Variants in NALF1 observed in about 807,000 individuals in gnomAD.
The protein encoded by NALF1 is family with sequence similarity 155 member A.
A neutral mutation model predicts 48.4 loss-of-function variants in NALF1; 3 were observed. That is an observed-to-expected ratio of 0.06 (90% CI 0.03 to 0.16). The LOEUF is 0.16. Ranked by LOEUF, NALF1 falls within the 10% of genes least tolerant of loss-of-function variation. The pLI, the probability that NALF1 is intolerant of heterozygous loss-of-function variation, is 1.00. For missense variants in NALF1, 526 were observed against 571.5 expected, an observed-to-expected ratio of 0.92 and a Z score of 0.81; for synonymous variants, 262 against 245.7, an observed-to-expected ratio of 1.07 and a Z score of -0.62.
intron 1 of NALF1, among the ~76,000 whole-genome samples, chr13:107,493,766 G>A (rs1241810243): frequency 1.3e-5 from 2 of 152,074 alleles, no homozygotes; most frequent in Non-Finnish European, 2.9e-5. Flanking sequence ...GTGCATACCT[G>A]CAGTTCCAGC....
intron 1 of NALF1, among the ~76,000 whole-genome samples, chr13:107,733,341 T>C (rs1481883632): frequency 6.6e-6 from 1 of 152,164 alleles, no homozygotes; most frequent in African/African-American, 2.4e-5. Context: ...CTCTGGACAC[T>C]CCAGGACCAC....
chr13:107,645,988 T>C (rs529935893), intron 1 of NALF1, among the ~76,000 whole-genome samples: 9 of 152,274 alleles, frequency 5.9e-5, no homozygotes, highest in Admixed American at 1.3e-4. Flanking sequence ...CTTGGTTTCT[T>C]ACCCTGCATC....
In NALF1 at chr13:107,431,378, A is replaced by AAC. The variant is rs529823080; in HGVS notation, c.916-220625_916-220624dup. On this transcript the variant is annotated intron_variant, in intron 1 of 2. Transcript: ENST00000375915. ...GTGTAACTATTAATGGTTTCTCCTA[A>AAC]ACACACACACACACATGCGCATGCG... Among the ~76,000 whole-genome samples, 668 of 151,766 alleles carry AAC rather than the reference A, an allele frequency of 4.4e-3. 6 individuals are homozygous for AAC. Among genetic ancestry groups the AAC allele is most frequent in the African/African-American group, 0.015 (632 of 41,448 alleles).
At chr13:107,626,025 T>G (rs965190685) in intron 1 of NALF1, among the ~76,000 whole-genome samples, 4 of 152,094 alleles carry the variant, frequency 2.6e-5, no homozygotes, top group African/African-American at 9.7e-5. Flanking sequence ...ATGTAGATTA[T>G]GAAGGTCGTT....
At position 107,163,665 on chromosome 13, in the gene NALF1, T is replaced by C; in HGVS notation, c.*6832A>G. The C allele has an allele frequency of 6.6e-6, 1 of 152,230 alleles. No homozygotes were observed. The highest frequency in any genetic ancestry group is 1.9e-4 in the East Asian group (1 of 5,198). 9.4% of individuals were successfully genotyped at this position (152,230 alleles called of 1,614,324 possible). A position where few individuals can be genotyped will look rare whatever the true frequency, so the allele number is the denominator to read the frequency against. ...CATAATTAACTGGTTTTAGTACTTT[T>C]ATTCCGTGTTCATATTCACATAAAA... On this transcript the variant is annotated 3_prime_UTR_variant, in exon 3 of 3. Coordinates refer to ENST00000375915, the MANE Select transcript of NALF1 (RefSeq NM_001080396.3).
intron 1 of NALF1, among the ~76,000 whole-genome samples, chr13:107,310,406 T>C (rs1246772680): frequency 1.5e-5 from 2 of 132,792 alleles, no homozygotes; most frequent in Non-Finnish European, 3.1e-5. Flanking sequence ...CGAGATTCCA[T>C]CTCAAAAAAA....
intron 1 of NALF1, among the ~76,000 whole-genome samples, chr13:107,523,577 C>G (rs1876324009): frequency 7.2e-6 from 1 of 138,938 alleles, no homozygotes; most frequent in African/African-American, 2.7e-5. Flanking sequence ...TCTTGGGAAT[C>G]ACTGATACAG....
intron 1 of NALF1, among the ~76,000 whole-genome samples, chr13:107,571,494 G>A (rs958178554): frequency 5.9e-5 from 9 of 152,130 alleles, no homozygotes; most frequent in Admixed American, 2.6e-4. Context: ...AGAGTGGTAC[G>A]TCTGGGTAGA....
chr13:107,482,213 G>T (rs1032180474), intron 1 of NALF1, among the ~76,000 whole-genome samples: 1 of 152,080 alleles, frequency 6.6e-6, no homozygotes, highest in African/African-American at 2.4e-5. Context: ...CCTCCAGATG[G>T]CCTTTGGATT....
chr13:107,817,050 G>C (rs1594288592), intron 1 of NALF1, among the ~76,000 whole-genome samples: 1 of 152,146 alleles, frequency 6.6e-6, no homozygotes, highest in Non-Finnish European at 1.5e-5. Flanking sequence ...GAAAGAGACT[G>C]AGCAAAAGTG....
intron 1 of NALF1, among the ~76,000 whole-genome samples, chr13:107,223,997 C>T (rs1318851576): frequency 6.6e-6 from 1 of 151,902 alleles, no homozygotes; most frequent in East Asian, 1.9e-4. Context: ...TATGAATAAT[C>T]ATAACATTAT....
At chr13:107,653,511 G>A (rs1880498854) in intron 1 of NALF1, among the ~76,000 whole-genome samples, 1 of 151,658 alleles carries the variant, frequency 6.6e-6, no homozygotes, top group African/African-American at 2.4e-5. Context: ...AAATAGTGTG[G>A]AGAAATGTTG....
intron 1 of NALF1, among the ~76,000 whole-genome samples, chr13:107,528,594 T>C (rs1054591918): frequency 2.0e-5 from 3 of 152,232 alleles, no homozygotes; most frequent in South Asian, 2.1e-4. Context: ...CCGGCAGGCA[T>C]CAAGGGATAA....
At chr13:107,519,358 G>A (rs956663241) in intron 1 of NALF1, among the ~76,000 whole-genome samples, 2 of 83,846 alleles carry the variant, frequency 2.4e-5, no homozygotes, top group Non-Finnish European at 6.5e-5. Context: ...GAGGATCCGG[G>A]AGGAGGAAAA....
At chr13:107,325,310 C>T (rs1056726400) in intron 1 of NALF1, among the ~76,000 whole-genome samples, 2 of 151,952 alleles carry the variant, frequency 1.3e-5, no homozygotes, top group East Asian at 1.9e-4. Context: ...TGATGATGAG[C>T]TAATTTTTCC....
chr13:107,666,800 A>G (rs1222954067), intron 1 of NALF1, among the ~76,000 whole-genome samples: 1 of 152,038 alleles, frequency 6.6e-6, no homozygotes, highest in Non-Finnish European at 1.5e-5. Context: ...AGTATCAATA[A>G]TTTCACGTTT....
chr13:107,597,618 C>G (rs1878792131), intron 1 of NALF1, among the ~76,000 whole-genome samples: 1 of 148,238 alleles, frequency 6.7e-6, no homozygotes, highest in African/African-American at 2.5e-5. Flanking sequence ...TTCCTTCTAG[C>G]AAAATAATAT....
rs1231600281 is a variant in NALF1 at position 107,865,700 on chromosome 13, G to C, written c.897C>G (p.Ser299=). ...TTCCTACCTTACAGTCTTCAGGACA[G>C]GATTTCACCGAGTACTCCTCCGACT... ...YLQSEEYSVK[S]CPEDCKIVYK... is the part of the protein sequence containing the mutation. Residue 299 remains serine, a synonymous_variant, in exon 1 of 3, where the codon TCC becomes TCG. Transcript: ENST00000375915. The C allele has an allele frequency of 1.2e-6, 2 of 1,614,040 alleles. No individual in the cohort carries two copies. Among genetic ancestry groups the C allele is most frequent in the Non-Finnish European group, 8.5e-7 (1 of 1,179,942 alleles).
rs183119817 is a variant in NALF1, at chr13:107,483,621, A to T, written c.916-272866T>A. 1.6e-3 allele frequency among the ~76,000 whole-genome samples: 251 copies of T among 152,248 alleles called. 1 individual carries two copies. The highest frequency in any genetic ancestry group is 5.4e-3 in the African/African-American group (223 of 41,584). ...TATTTTAGAATAGGAATAATTTCTT[A>T]AACTGTATAATTTTGGTTCTAAGAG... On this transcript the variant is annotated intron_variant, in intron 1 of 2. Coordinates refer to ENST00000375915, the MANE Select transcript of NALF1 (RefSeq NM_001080396.3).
Sources: gnomAD v4.1 joint callset for allele counts (sites outside exome capture counted in the v4.1 genomes callset) on GRCh38, gnomAD v4.1.1 for gene constraint, MANE v1.5 for transcripts, NCBI Gene and HGNC (gene_info 2026-07-23, HGNC 2026-07-21) for gene names.